GLMN: variants seen among roughly 807,000 people sequenced by gnomAD.
GLMN encodes glomulin, FKBP associated protein.
A neutral mutation model predicts 87.8 loss-of-function variants in GLMN; 75 were observed. The observed-to-expected ratio is 0.85, with a 90% confidence interval of 0.71 to 1.04. The LOEUF is 1.04. GLMN is among the 50% of genes least tolerant of loss of function. The probability of loss-of-function intolerance (pLI) is 0.00; values close to 1 mark genes in which losing one functional copy is unlikely to be tolerated. For synonymous variants in GLMN, 206 were observed against 221.6 expected (o/e 0.93, Z 0.63); for missense variants, 588 against 658.8 (o/e 0.89, Z 1.18).
chr1:92,346,268 A>T, the GLMN span, among the ~76,000 whole-genome samples: 28 of 151,966 alleles, frequency 1.8e-4, no homozygotes, highest in East Asian at 5.4e-3. Context: ...GGCTCAAGCA[A>T]TTCTCCCACC....
chr1:92,294,016 A>G (rs571456943), intron 3 of GLMN, among the ~76,000 whole-genome samples: 24 of 151,960 alleles, frequency 1.6e-4, no homozygotes, highest in Non-Finnish European at 2.2e-4. Context: ...AAAAAAAGTT[A>G]TAAGTAATGA....
the GLMN span, among the ~76,000 whole-genome samples, chr1:92,316,663 ACTAT>A: frequency 6.6e-6 from 1 of 152,226 alleles, no homozygotes; most frequent in Non-Finnish European, 1.5e-5. Context: ...AGCTTTCACA[ACTAT>A]CTTCAGGACA....
the GLMN span, among the ~76,000 whole-genome samples, chr1:92,308,659 AATTT>A: frequency 6.6e-6 from 1 of 152,186 alleles, no homozygotes; most frequent in African/African-American, 2.4e-5. Flanking sequence ...TCCTTTAGCT[AATTT>A]AAAACAAATC....
the GLMN span, among the ~76,000 whole-genome samples, chr1:92,362,892 A>T: frequency 6.6e-6 from 1 of 152,124 alleles, no homozygotes. Flanking sequence ...TGCAGAAAAA[A>T]ATGTTGCTCT....
At chr1:92,348,418 A>G in the GLMN span, among the ~76,000 whole-genome samples, 399 of 152,202 alleles carry the variant, frequency 2.6e-3, 4 homozygotes, top group African/African-American at 8.9e-3. Context: ...GGTGTTTCCT[A>G]GGTTTTTGCC....
intron 4 of GLMN, 72 bp from the exon 5 acceptor site, chr1:92,290,378 G>C: frequency 2.2e-6 from 2 of 896,994 alleles, no homozygotes; most frequent in Non-Finnish European, 3.7e-6. Context: ...CTATTTTTAA[G>C]AAGGCATGTA....
At chr1:92,344,835 T>A in the GLMN span, among the ~76,000 whole-genome samples, 6 of 152,310 alleles carry the variant, frequency 3.9e-5, no homozygotes, top group East Asian at 1.2e-3. Context: ...GAGATTGAGC[T>A]TTTCAAATTT....
At chr1:92,354,974 T>C in the GLMN span, among the ~76,000 whole-genome samples, 26 of 151,376 alleles carry the variant, frequency 1.7e-4, no homozygotes, top group Admixed American at 1.1e-3. Flanking sequence ...TCTCAGCTCA[T>C]TGCAATCTCT....
At chr1:92,292,162 T>C (rs974494296) in intron 3 of GLMN, among the ~76,000 whole-genome samples, 7 of 152,124 alleles carry the variant, frequency 4.6e-5, no homozygotes, top group Admixed American at 4.6e-4. Flanking sequence ...AACTCATCAG[T>C]ATTTACCAAG....
chr1:92,293,198 T>C (rs145574874), intron 3 of GLMN, among the ~76,000 whole-genome samples: 27 of 152,106 alleles, frequency 1.8e-4, no homozygotes, highest in African/African-American at 6.3e-4. Context: ...CAAACAAGCA[T>C]ATGAAAAGGT....
chr1:92,256,455 A>G (rs1267733858), intron 16 of GLMN, among the ~76,000 whole-genome samples: 1 of 152,196 alleles, frequency 6.6e-6, no homozygotes, highest in Non-Finnish European at 1.5e-5. Context: ...AACAAAAAAA[A>G]GAAAATTTCA....
chr1:92,358,319 T>C, the GLMN span, among the ~76,000 whole-genome samples: 2 of 152,188 alleles, frequency 1.3e-5, no homozygotes, highest in Non-Finnish European at 2.9e-5. Context: ...TCTTTACCAC[T>C]GTAGCACACA....
At chr1:92,360,191 T>C in the GLMN span, among the ~76,000 whole-genome samples, 1 of 152,162 alleles carries the variant, frequency 6.6e-6, no homozygotes, top group East Asian at 1.9e-4. Context: ...TAAGTTTAAG[T>C]GTCAAGAAAA....
At chr1:92,273,990 T>C (rs1233247289) in intron 7 of GLMN, among the ~76,000 whole-genome samples, 1 of 152,150 alleles carries the variant, frequency 6.6e-6, no homozygotes, top group Non-Finnish European at 1.5e-5. Flanking sequence ...ATTCTAGTAG[T>C]TCTGTACCAA....
chr1:92,351,305 C>CAAAAAAAAAAAAAAAAAAAAA, the GLMN span, among the ~76,000 whole-genome samples: 1 of 86,838 alleles, frequency 1.2e-5, no homozygotes, highest in African/African-American at 4.2e-5. Flanking sequence ...GACTCTGTCT[C>CAAAAAAAAAAAAAAAAAAAAA]AAAAAAAAAA....
chr1:92,288,832 TCAAA>T lies in GLMN; in HGVS notation c.632+78_632+81del, dbSNP rs376579305. On this transcript the variant is annotated intron_variant, in intron 6 of 18. Coordinates refer to ENST00000370360, the MANE Select transcript of GLMN (RefSeq NM_053274.3). ...CTGAAACTAGATTTCTATTTACATG[TCAAA>T]CAAAGTGAAGAAACATAAAATAACT... is the stretch of plus-strand genomic sequence containing the variant. 2.9e-3 allele frequency: 2,329 copies of T among 799,452 alleles called. 12 individuals carry two copies. The highest frequency in any genetic ancestry group is 0.023 in the Middle Eastern group (66 of 2,882). The allele number at this position is 799,452 out of a possible 1,614,324, so 49.5% of individuals were successfully genotyped here.
chr1:92,252,439 T>TACATGC (rs1653641982), intron 16 of GLMN, among the ~76,000 whole-genome samples: 2 of 152,192 alleles, frequency 1.3e-5, no homozygotes, highest in Non-Finnish European at 2.9e-5. Context: ...CACATGTGTC[T>TACATGC]ACTGTCTACT....
At chr1:92,304,970 A>G in the GLMN span, among the ~76,000 whole-genome samples, 17 of 151,728 alleles carry the variant, frequency 1.1e-4, no homozygotes, top group Admixed American at 3.3e-4. Flanking sequence ...CCCTGTCTCT[A>G]CAAAAAGTAC....
intron 16 of GLMN, among the ~76,000 whole-genome samples, chr1:92,255,083 GAAAA>G (rs543661361): frequency 7.4e-6 from 1 of 135,860 alleles, no homozygotes; most frequent in Non-Finnish European, 1.6e-5. Flanking sequence ...CAAACGGAAA[GAAAA>G]AAAAAAAGCA....
Sources: gnomAD v4.1 joint callset for allele counts (sites outside exome capture counted in the v4.1 genomes callset) on GRCh38, gnomAD v4.1.1 for gene constraint, MANE v1.5 for transcripts, NCBI Gene and HGNC (gene_info 2026-07-23, HGNC 2026-07-21) for gene names.